CLVS1: variants seen among roughly 807,000 people sequenced by gnomAD.
The protein encoded by CLVS1 is clavesin 1, also known as clavesin-1.
CLVS1 carries 10 observed loss-of-function variants against 33.1 expected under a neutral mutation model. The ratio of observed to expected loss-of-function variants is 0.30; its 90% CI spans 0.19 to 0.51. The LOEUF (loss-of-function observed/expected upper bound fraction) is 0.51, where lower values mean the gene tolerates loss of function less well. Among genes scored for constraint, CLVS1 ranks in the 20% least tolerant of loss-of-function variants. The pLI, the probability that CLVS1 is intolerant of heterozygous loss-of-function variation, is 0.97. For missense variants in CLVS1, 343 were observed against 433.4 expected (o/e 0.79, Z 1.85); for synonymous variants, 163 against 166.1 (o/e 0.98, Z 0.14).
At chr8:61,090,955 G>T (rs1018042554) in intron 1 of CLVS1, 3 of 515,692 alleles carry the variant, frequency 5.8e-6, no homozygotes, top group Non-Finnish European at 1.2e-5. Flanking sequence ...AAGGATCAGA[G>T]GGTAGACTGT....
chr8:61,499,649 C>T lies in CLVS1; in HGVS notation c.*107C>T. 3 of 730,028 alleles carry T rather than the reference C, an allele frequency of 4.1e-6. No homozygotes were observed. The South Asian group carries it at 5.1e-5, about 12-fold the overall frequency. The allele number at this position is 730,028 out of a possible 1,614,324, so 45.2% of individuals were successfully genotyped here. ...GCAGACACGTGTGTTCTGCTTGACA[C>T]AAGGTCCTCCACTCCTGAACCCCTG... is the stretch of plus-strand genomic sequence containing the variant. On this transcript the variant is annotated 3_prime_UTR_variant, in exon 6 of 6. Coordinates refer to ENST00000325897, the MANE Select transcript of CLVS1 (RefSeq NM_173519.3).
chr8:61,263,124 C>A (rs753956007), intron 2 of CLVS1, among the ~76,000 whole-genome samples: 1 of 152,112 alleles, frequency 6.6e-6, no homozygotes, highest in Non-Finnish European at 1.5e-5. Flanking sequence ...AAGATGTCCC[C>A]GGCTAAGTAT....
chr8:61,190,605 A>G (rs899113616), intron 2 of CLVS1, among the ~76,000 whole-genome samples: 1 of 152,206 alleles, frequency 6.6e-6, no homozygotes. Flanking sequence ...TGAAAAGATC[A>G]ACAAAATTGA....
At position 61,111,216 on chromosome 8, in the gene CLVS1, G is replaced by A. The variant is rs566618922; in HGVS notation, c.-242-20554G>A. Among the ~76,000 whole-genome samples, 4 of 152,256 alleles carry A rather than the reference G, an allele frequency of 2.6e-5. No individual in the cohort carries two copies. The South Asian group carries it at 8.3e-4, about 32-fold the overall frequency. Reference sequence around the variant, plus strand: ...GAGTGTTTTCAGATATTGATATACGGCTTTCACTGTGCAAAATATTAGAAA... The same window carrying A: ...GAGTGTTTTCAGATATTGATATACGACTTTCACTGTGCAAAATATTAGAAA... On this transcript the variant is annotated intron_variant, in intron 1 of 2. Transcript: ENST00000522621.
the CLVS1 span, among the ~76,000 whole-genome samples, chr8:61,011,828 A>G: frequency 6.6e-6 from 1 of 152,206 alleles, no homozygotes; most frequent in Non-Finnish European, 1.5e-5. Flanking sequence ...CAAAGCTTAA[A>G]TGTAGAAGAC....
intron 2 of CLVS1, among the ~76,000 whole-genome samples, chr8:61,355,660 A>C (rs12679865): frequency 0.48 from 72,922 of 151,844 alleles, 17,740 homozygotes; most frequent in East Asian, 0.65. Flanking sequence ...TGAGAATATG[A>C]GGTGTTTGCT....
At chr8:61,435,751 A>G (rs192703897) in intron 3 of CLVS1, among the ~76,000 whole-genome samples, 157 of 152,330 alleles carry the variant, frequency 1.0e-3, no homozygotes, top group Admixed American at 7.1e-3. Context: ...GTACAGATAA[A>G]GATGTAAGGA....
At chr8:60,979,723 T>C in the CLVS1 span, among the ~76,000 whole-genome samples, 1 of 152,186 alleles carries the variant, frequency 6.6e-6, no homozygotes, top group Non-Finnish European at 1.5e-5. Flanking sequence ...GTTTTGTGAA[T>C]AAAATTACAC....
the CLVS1 span, among the ~76,000 whole-genome samples, chr8:60,968,298 C>T: frequency 1.3e-5 from 2 of 152,184 alleles, no homozygotes; most frequent in Admixed American, 6.5e-5. Flanking sequence ...GGCGGATCAC[C>T]TGAGGTCGGG....
intron 5 of CLVS1, among the ~76,000 whole-genome samples, chr8:61,479,659 G>A (rs1586034557): frequency 6.6e-6 from 1 of 152,184 alleles, no homozygotes; most frequent in Non-Finnish European, 1.5e-5. Flanking sequence ...GAGAGGTGCT[G>A]TGATTTTTAG....
chr8:61,264,280 G>A (rs1401857817), intron 2 of CLVS1, among the ~76,000 whole-genome samples: 6 of 151,888 alleles, frequency 4.0e-5, no homozygotes, highest in Admixed American at 3.9e-4. Context: ...GCTCCAAATT[G>A]GAACTTTCTC....
At chr8:61,095,060 G>C in intron 1 of CLVS1, among the ~76,000 whole-genome samples, 1 of 152,132 alleles carries the variant, frequency 6.6e-6, no homozygotes, top group East Asian at 1.9e-4. Flanking sequence ...GTTAATATTT[G>C]GGAAGGATGT....
chr8:61,026,871 A>G, the CLVS1 span, among the ~76,000 whole-genome samples: 74 of 152,232 alleles, frequency 4.9e-4, 2 homozygotes, highest in East Asian at 0.011. Context: ...ACACCTGTCT[A>G]TGCCACCCAG....
At chr8:61,345,478 A>G (rs1030881954) in intron 2 of CLVS1, among the ~76,000 whole-genome samples, 7 of 152,090 alleles carry the variant, frequency 4.6e-5, no homozygotes, top group Non-Finnish European at 1.0e-4. Flanking sequence ...ACCCTTTTCT[A>G]AAAGCAGATG....
chr8:61,370,117 G>A (rs1421526564), intron 2 of CLVS1, among the ~76,000 whole-genome samples: 1 of 152,172 alleles, frequency 6.6e-6, no homozygotes, highest in African/African-American at 2.4e-5. Context: ...TGGACCTTAA[G>A]AAATTTCCAA....
chr8:61,235,203 C>G (rs998548327), intron 2 of CLVS1, among the ~76,000 whole-genome samples: 1 of 152,144 alleles, frequency 6.6e-6, no homozygotes, highest in Admixed American at 6.5e-5. Context: ...AAAACACAAG[C>G]ATGTGAGCAG....
At chr8:61,391,267 G>A (rs188365273) in intron 3 of CLVS1, 15 of 152,354 alleles carry the variant, frequency 9.8e-5, no homozygotes, top group Admixed American at 4.6e-4. Context: ...AGGATGGAAA[G>A]ATGAGACTTA....
At chr8:61,065,043 C>T (rs1179422483) in intron 1 of CLVS1, among the ~76,000 whole-genome samples, 1 of 152,154 alleles carries the variant, frequency 6.6e-6, no homozygotes, top group East Asian at 1.9e-4. Flanking sequence ...TTCCTGCCAT[C>T]AGGCTGATCA....
chr8:61,442,536 A>G lies in CLVS1; in HGVS notation c.631-11605A>G, dbSNP rs1345488205. Among the ~76,000 whole-genome samples the G allele has an allele frequency of 3.9e-5, 6 of 152,160 alleles. No homozygotes were observed. In the East Asian group the frequency reaches 1.2e-3, roughly 29 times the overall value. On this transcript the variant is annotated intron_variant, in intron 3 of 5. Transcript: ENST00000325897. ...TGCCATATTATCTTCCAGAGTTCCT[A>G]TACCATATTACACTTCTATCATTGT...
Sources: allele counts gnomAD v4.1 joint callset (sites outside exome capture counted in the v4.1 genomes callset), GRCh38; gene constraint gnomAD v4.1.1; transcripts MANE v1.5; gene names NCBI Gene and HGNC (gene_info 2026-07-23, HGNC 2026-07-21).